RARS2: variants seen among roughly 807,000 people sequenced by gnomAD.
RARS2 encodes arginyl-tRNA synthetase 2, mitochondrial.
In RARS2, 67 loss-of-function variants were observed where a neutral mutation model predicts 88.5. The ratio of observed to expected loss-of-function variants is 0.76; its 90% confidence interval spans 0.62 to 0.93. The LOEUF (loss-of-function observed/expected upper bound fraction) is 0.93, where lower values mean the gene tolerates loss of function less well. Among genes scored for constraint, RARS2 ranks in the 40% least tolerant of loss-of-function variants. RARS2 has a pLI of 0.00. For missense variants in RARS2, 664 were observed against 684.2 expected (o/e 0.97, Z 0.33); for synonymous variants, 239 against 230.3 (o/e 1.04, Z -0.34).
intron 7 of RARS2, among the ~76,000 whole-genome samples, chr6:87,543,000 T>A (rs1388769090): frequency 6.6e-6 from 1 of 152,146 alleles, no homozygotes; most frequent in Non-Finnish European, 1.5e-5. Context: ...TTAGTTTTAT[T>A]ACTTTAAAAA....
chr6:87,541,951 T>C lies in RARS2; in HGVS notation c.579A>G (p.Lys193=). 1 of 1,613,682 alleles carries C rather than the reference T, an allele frequency of 6.2e-7. No individual in the cohort carries two copies. The highest frequency in any genetic ancestry group is 1.1e-5 in the South Asian group (1 of 91,066). ...GATGCTGTAGAGGATTGGACTGCAG[T>C]TTTTCCTCATAGCCAAACAGCTGGA... The part of the protein sequence containing the change: ...TGFQLFGYEE[K]LQSNPLQHLF... The change falls in exon 8 of 20, where the codon AAA becomes AAG. Residue 193 remains lysine (K), a synonymous_variant. Coordinates refer to ENST00000369536, the MANE Select transcript of RARS2 (RefSeq NM_020320.5).
intron 1 of RARS2, among the ~76,000 whole-genome samples, chr6:87,587,262 A>G (rs1775450618): frequency 6.6e-6 from 1 of 152,204 alleles, no homozygotes; most frequent in Admixed American, 6.5e-5. Context: ...ATGAACATTG[A>G]GTCTCATGTC....
At chr6:87,521,171 C>A (rs1773705734) in intron 12 of RARS2, among the ~76,000 whole-genome samples, 2 of 152,004 alleles carry the variant, frequency 1.3e-5, no homozygotes, top group Non-Finnish European at 2.9e-5. Context: ...AACTGTTGAG[C>A]CCAAATCAGA....
At chr6:87,575,166 G>C (rs148240809) in intron 1 of RARS2, among the ~76,000 whole-genome samples, 190 of 149,138 alleles carry the variant, frequency 1.3e-3, no homozygotes, top group African/African-American at 3.9e-3. Context: ...TATTTGGCAG[G>C]GCTCCTAACT....
intron 17 of RARS2, 140 bp downstream of exon 17, chr6:87,518,029 C>G (rs1582257292): frequency 2.7e-6 from 4 of 1,508,544 alleles, no homozygotes; most frequent in South Asian, 1.2e-5. Context: ...TGCAAATAAT[C>G]ACTTTTTAAG....
At chr6:87,550,247 T>A (rs1017850119) in intron 5 of RARS2, among the ~76,000 whole-genome samples, 2 of 151,690 alleles carry the variant, frequency 1.3e-5, no homozygotes, top group Admixed American at 1.3e-4. Flanking sequence ...GCCAGAAAAA[T>A]AGATGAAACA....
intron 1 of RARS2, among the ~76,000 whole-genome samples, chr6:87,578,506 T>C (rs770639763): frequency 1.1e-4 from 16 of 152,200 alleles, no homozygotes; most frequent in Non-Finnish European, 1.9e-4. Flanking sequence ...ACCACAACTT[T>C]ATAAAAGTAT....
chr6:87,543,505 G>C (rs1781677368), intron 7 of RARS2, among the ~76,000 whole-genome samples: 1 of 151,742 alleles, frequency 6.6e-6, no homozygotes, highest in South Asian at 2.1e-4. Flanking sequence ...GCCTGGCATG[G>C]TGGTGCATGC....
intron 7 of RARS2, among the ~76,000 whole-genome samples, chr6:87,543,393 G>A (rs541940126): frequency 6.6e-6 from 1 of 152,034 alleles, no homozygotes; most frequent in East Asian, 1.9e-4. Context: ...TGTAATCCCA[G>A]CACTTTGGGA....
At chr6:87,548,456 T>C (rs986279106) in intron 6 of RARS2, 135 bp downstream of exon 6, 4 of 800,276 alleles carry the variant, frequency 5.0e-6, no homozygotes, top group East Asian at 5.6e-5. Context: ...ATTTCCTGAA[T>C]TGGCAGGAGG....
chr6:87,556,733 A>C (rs1025353794), intron 4 of RARS2, among the ~76,000 whole-genome samples: 1 of 147,660 alleles, frequency 6.8e-6, no homozygotes. Flanking sequence ...CAGAGGTTGC[A>C]GTAAGCCGAG....
chr6:87,531,075 T>A, intron 8 of RARS2, 133 bp from the exon 9 acceptor site: 1 of 1,411,842 alleles, frequency 7.1e-7, no homozygotes, highest in Non-Finnish European at 9.5e-7. Flanking sequence ...TTACAGAGTG[T>A]AACTTTTTCT....
At chr6:87,573,382 C>T (rs759587450) in intron 1 of RARS2, among the ~76,000 whole-genome samples, 4 of 152,082 alleles carry the variant, frequency 2.6e-5, no homozygotes, top group African/African-American at 4.8e-5. Flanking sequence ...CTCACCAGGC[C>T]CCACCTCCAA....
At chr6:87,588,081 C>T (rs1775682405) in intron 1 of RARS2, among the ~76,000 whole-genome samples, 1 of 152,130 alleles carries the variant, frequency 6.6e-6, no homozygotes. Context: ...GTCCAATTTA[C>T]AGTCTTTACA....
chr6:87,526,020 A>T (rs551052510), intron 10 of RARS2, among the ~76,000 whole-genome samples: 1 of 152,358 alleles, frequency 6.6e-6, no homozygotes, highest in South Asian at 2.1e-4. Flanking sequence ...CAAAACACAG[A>T]TAAATGGAAA....
intron 8 of RARS2, among the ~76,000 whole-genome samples, chr6:87,534,688 C>T (rs1778594860): frequency 6.6e-6 from 1 of 152,020 alleles, no homozygotes; most frequent in African/African-American, 2.4e-5. Context: ...CAGCAGGGAG[C>T]AATGGCCAAG....
chr6:87,540,542 T>G (rs1458100236), intron 8 of RARS2, among the ~76,000 whole-genome samples: 1 of 151,618 alleles, frequency 6.6e-6, no homozygotes, highest in Non-Finnish European at 1.5e-5. Context: ...AGGAAAATGA[T>G]GAAGCACCCT....
chr6:87,530,299 C>T (rs894820485), intron 9 of RARS2, among the ~76,000 whole-genome samples: 4 of 152,208 alleles, frequency 2.6e-5, no homozygotes, highest in Admixed American at 2.0e-4. Flanking sequence ...GACTCCATAC[C>T]TGATCTCCCC....
chr6:87,548,124 T>C (rs1004924507), intron 6 of RARS2, among the ~76,000 whole-genome samples: 6 of 152,066 alleles, frequency 3.9e-5, no homozygotes, highest in African/African-American at 1.4e-4. Flanking sequence ...ACGCCTGTAA[T>C]CCCAGCAACT....
Sources: gnomAD v4.1 joint callset for allele counts (sites outside exome capture counted in the v4.1 genomes callset) on GRCh38, gnomAD v4.1.1 for gene constraint, MANE v1.5 for transcripts, NCBI Gene and HGNC (gene_info 2026-07-23, HGNC 2026-07-21) for gene names.